Variants in GRM1 observed in about 807,000 individuals in gnomAD.
GRM1 encodes the protein glutamate metabotropic receptor 1.
A neutral mutation model predicts 90.9 loss-of-function variants in GRM1; 33 were observed. That is an observed-to-expected ratio of 0.36 (90% confidence interval 0.28 to 0.49). The LOEUF is 0.49. Ranked by LOEUF, GRM1 falls within the 20% of genes least tolerant of loss-of-function variation. GRM1 has a pLI of 0.99. For synonymous variants in GRM1, 700 were observed against 613.2 expected, an observed-to-expected ratio of 1.14 and a Z score of -2.09; for missense variants, 1,190 against 1,534.3, an observed-to-expected ratio of 0.78 and a Z score of 3.75.
At chr6:146,213,304 T>TG (rs969852672) in intron 2 of GRM1, among the ~76,000 whole-genome samples, 18 of 151,832 alleles carry the variant, frequency 1.2e-4, no homozygotes, top group African/African-American at 4.3e-4. Flanking sequence ...TGAGATTGGG[T>TG]GGGGGGCGGT....
At chr6:146,216,422 C>A (rs1042166219) in intron 2 of GRM1, among the ~76,000 whole-genome samples, 1 of 152,142 alleles carries the variant, frequency 6.6e-6, no homozygotes, top group Non-Finnish European at 1.5e-5. Context: ...GCTTTGAGAA[C>A]AGCATCAAAC....
chr6:146,104,612 T>C (rs1337040488), intron 1 of GRM1, among the ~76,000 whole-genome samples: 1 of 152,134 alleles, frequency 6.6e-6, no homozygotes, highest in East Asian at 1.9e-4. Flanking sequence ...AAAACTGGAA[T>C]ATTGCTGGAG....
intron 2 of GRM1, among the ~76,000 whole-genome samples, chr6:146,199,725 G>A (rs563181699): frequency 6.7e-6 from 1 of 150,366 alleles, no homozygotes; most frequent in Non-Finnish European, 1.5e-5. Context: ...CATAAGAGAA[G>A]TGCTAACTCT....
At chr6:146,063,043 T>A (rs1775728096) in intron 1 of GRM1, among the ~76,000 whole-genome samples, 1 of 152,150 alleles carries the variant, frequency 6.6e-6, no homozygotes, top group African/African-American at 2.4e-5. Flanking sequence ...TCCAATCGGA[T>A]GTGATAGTCC....
At chr6:146,331,034 C>T (rs754560006) in intron 3 of GRM1, among the ~76,000 whole-genome samples, 1 of 152,124 alleles carries the variant, frequency 6.6e-6, no homozygotes, top group Non-Finnish European at 1.5e-5. Context: ...GAAGCACATA[C>T]TATACACGAT....
intron 2 of GRM1, among the ~76,000 whole-genome samples, chr6:146,279,093 G>T (rs931340363): frequency 6.6e-6 from 1 of 152,024 alleles, no homozygotes; most frequent in African/African-American, 2.4e-5. Flanking sequence ...TTTCTATTGT[G>T]TCTACCAAGG....
At chr6:146,431,646 AT>A (rs1778411359) in intron 7 of GRM1, among the ~76,000 whole-genome samples, 1 of 152,136 alleles carries the variant, frequency 6.6e-6, no homozygotes, top group Non-Finnish European at 1.5e-5. Flanking sequence ...ACAGGATAAC[AT>A]TTTGTTTAAG....
rs982522000 is a variant in GRM1, at chr6:146,105,516, A to G, written c.701-53832A>G. The stretch of plus-strand genomic sequence containing the variant: ...TGAATAAACTTTGTTCATATTTGTC[A>G]TTTTGTGAATACATAAATGATTCCT... On this transcript the variant is annotated intron_variant, in intron 1 of 7. Transcript: ENST00000282753. Among the ~76,000 whole-genome samples the G allele has an allele frequency of 5.9e-5, 9 of 152,080 alleles. No individual in the cohort carries two copies. In the South Asian group the frequency reaches 1.9e-3, roughly 32 times the overall value.
intron 2 of GRM1, among the ~76,000 whole-genome samples, chr6:146,184,616 AT>A (rs1282118322): frequency 6.6e-6 from 1 of 152,166 alleles, no homozygotes; most frequent in Admixed American, 6.5e-5. Flanking sequence ...CAGATTTCCT[AT>A]ACCTCTCTAT....
At chr6:146,124,576 CA>C (rs1048187133) in intron 1 of GRM1, among the ~76,000 whole-genome samples, 2 of 152,032 alleles carry the variant, frequency 1.3e-5, no homozygotes, top group Non-Finnish European at 1.5e-5. Flanking sequence ...CAATTATCTT[CA>C]TGATCTTAGT....
At chr6:146,114,375 T>C (rs994007577) in intron 1 of GRM1, among the ~76,000 whole-genome samples, 2 of 152,178 alleles carry the variant, frequency 1.3e-5, no homozygotes, top group African/African-American at 2.4e-5. Context: ...GTTCTAAAAT[T>C]AAAAATGTGT....
At chr6:146,118,390 C>T (rs1032452203) in intron 1 of GRM1, among the ~76,000 whole-genome samples, 2 of 152,132 alleles carry the variant, frequency 1.3e-5, no homozygotes, top group Non-Finnish European at 2.9e-5. Flanking sequence ...CCACCCGCCT[C>T]GGCCTCCCAA....
At chr6:146,292,731 G>C (rs1275237572) in intron 2 of GRM1, among the ~76,000 whole-genome samples, 1 of 151,864 alleles carries the variant, frequency 6.6e-6, no homozygotes, top group African/African-American at 2.4e-5. Flanking sequence ...GCTAAACATA[G>C]AATTACCATA....
intron 4 of GRM1, among the ~76,000 whole-genome samples, chr6:146,356,128 G>A (rs565185842): frequency 2.0e-5 from 3 of 152,280 alleles, no homozygotes; most frequent in Admixed American, 2.0e-4. Flanking sequence ...CCAGTACAAA[G>A]TTGTTCTCCA....
chr6:146,335,125 C>T (rs985766793), intron 3 of GRM1, among the ~76,000 whole-genome samples: 23 of 152,114 alleles, frequency 1.5e-4, no homozygotes, highest in African/African-American at 4.8e-4. Flanking sequence ...AAACCCTTCC[C>T]GTTGACTGAC....
Position 146,185,456 on chromosome 6 carries a change from CTG to C in GRM1, c.950+25862_950+25863del, listed in dbSNP as rs369495735. ...GAGTAGCTCCCTTGTCCTCTGCTCT[CTG>C]TGACCCTCTGAAAGATTCCTTCCTT... On this transcript the variant is annotated intron_variant, in intron 2 of 7. Transcript: ENST00000282753. Among the ~76,000 whole-genome samples the C allele has an allele frequency of 2.1e-3, 318 of 152,260 alleles. 2 individuals carry two copies. The highest frequency in any genetic ancestry group is 7.2e-3 in the African/African-American group (299 of 41,554).
intron 5 of GRM1, among the ~76,000 whole-genome samples, chr6:146,370,669 A>G (rs930662882): frequency 1.3e-5 from 2 of 151,988 alleles, no homozygotes; most frequent in African/African-American, 4.8e-5. Flanking sequence ...AACCCCTGAG[A>G]TACAATTTTG....
At chr6:146,391,280 G>C (rs1776711447) in intron 6 of GRM1, among the ~76,000 whole-genome samples, 1 of 152,050 alleles carries the variant, frequency 6.6e-6, no homozygotes, top group Non-Finnish European at 1.5e-5. Context: ...CCTCAGATCA[G>C]AGTTATTGCC....
Position 146,260,164 on chromosome 6 carries a change from C to T in GRM1, c.951-44447C>T, listed in dbSNP as rs567126215. On this transcript the variant is annotated intron_variant, in intron 2 of 7. Coordinates refer to ENST00000282753, the MANE Select transcript of GRM1 (RefSeq NM_001278064.2). ...CCTAATGCTATCCCTCCCCTAGGCC[C>T]CCACCCCTCAACAGGTTCCAGTGTG... Among the ~76,000 whole-genome samples the T allele has an allele frequency of 4.6e-5, 7 of 152,048 alleles. No homozygotes were observed. The East Asian group carries it at 1.4e-3, about 29-fold the overall frequency.
Sources: allele counts gnomAD v4.1 joint callset (sites outside exome capture counted in the v4.1 genomes callset), GRCh38; gene constraint gnomAD v4.1.1; transcripts MANE v1.5; gene names NCBI Gene and HGNC (gene_info 2026-07-23, HGNC 2026-07-21).